Variants in FAF1 observed in about 807,000 individuals in gnomAD.
The protein encoded by FAF1 is Fas associated factor 1, also known as FAS-associated factor 1.
A neutral mutation model predicts 92.5 loss-of-function variants in FAF1; 25 were observed. The ratio of observed to expected loss-of-function variants is 0.27; its 90% CI spans 0.20 to 0.38. FAF1 has a LOEUF of 0.38. Ranked by LOEUF, FAF1 falls within the 10% of genes least tolerant of loss-of-function variation. The pLI is 1.00. For synonymous variants in FAF1, 234 were observed against 273.2 expected, an observed-to-expected ratio of 0.86 and a Z score of 1.42; for missense variants, 636 against 793.3, an observed-to-expected ratio of 0.80 and a Z score of 2.38.
intron 12 of FAF1, among the ~76,000 whole-genome samples, chr1:50,572,809 G>A (rs1476378968): frequency 6.6e-6 from 1 of 152,158 alleles, no homozygotes. Flanking sequence ...AGGAAGTCCT[G>A]GGTTCTAGGC....
intron 5 of FAF1, among the ~76,000 whole-genome samples, chr1:50,740,930 G>T (rs188527409): frequency 6.6e-6 from 1 of 151,846 alleles, no homozygotes; most frequent in Non-Finnish European, 1.5e-5. Context: ...GATCATTATT[G>T]TTCTTTTTCC....
intron 18 of FAF1, among the ~76,000 whole-genome samples, chr1:50,455,073 C>T (rs1228687469): frequency 1.3e-5 from 2 of 152,330 alleles, no homozygotes; most frequent in East Asian, 1.9e-4. Context: ...AGCAGGCAGA[C>T]TCCGTTGGTG....
intron 7 of FAF1, among the ~76,000 whole-genome samples, chr1:50,682,596 T>C (rs757132279): frequency 1.3e-5 from 2 of 152,234 alleles, no homozygotes; most frequent in African/African-American, 2.4e-5. Flanking sequence ...ACAAAAATTA[T>C]GTTGGTAACT....
At chr1:50,502,584 T>C (rs1195627034) in intron 15 of FAF1, among the ~76,000 whole-genome samples, 2 of 152,178 alleles carry the variant, frequency 1.3e-5, no homozygotes, top group African/African-American at 4.8e-5. Flanking sequence ...CAAGTATAAA[T>C]TGTATAACCA....
chr1:50,567,254 A>T, intron 12 of FAF1, 23 bp from the exon 13 acceptor site: 1 of 1,556,576 alleles, frequency 6.4e-7, no homozygotes, highest in Non-Finnish European at 8.7e-7. Context: ...GAAAAATCTG[A>T]TCAATTAAAA....
intron 4 of FAF1, among the ~76,000 whole-genome samples, chr1:50,777,241 A>C (rs1394914526): frequency 6.6e-6 from 1 of 151,530 alleles, no homozygotes; most frequent in East Asian, 1.9e-4. Context: ...ATGAGACCCC[A>C]TTTCTTCAAA....
At chr1:50,827,220 C>A (rs145330378) in intron 2 of FAF1, among the ~76,000 whole-genome samples, 1 of 152,054 alleles carries the variant, frequency 6.6e-6, no homozygotes, top group Non-Finnish European at 1.5e-5. Flanking sequence ...AAAGAGAGAT[C>A]AGATTGTTAC....
intron 2 of FAF1, among the ~76,000 whole-genome samples, chr1:50,853,875 GTAC>G (rs755264393): frequency 3.9e-5 from 6 of 151,972 alleles, no homozygotes; most frequent in Non-Finnish European, 8.8e-5. Context: ...TTAAAAATCT[GTAC>G]TACTATTTAT....
In FAF1 at chr1:50,805,627, T is replaced by A. The variant is rs144992818; in HGVS notation, c.115-3950A>T. On this transcript the variant is annotated intron_variant, in intron 2 of 18. Coordinates refer to ENST00000396153, the MANE Select transcript of FAF1 (RefSeq NM_007051.3). ...ATTGGTAGATTACAAAACAGTGGCA[T>A]GTAATATAAATCATACCCTACATGG... Among the ~76,000 whole-genome samples the A allele has an allele frequency of 6.9e-4, 105 of 152,360 alleles. 2 individuals are homozygous for A. In the East Asian group the frequency reaches 0.016, roughly 23 times the overall value.
At chr1:50,465,416 CATT>C (rs1247334327) in intron 18 of FAF1, among the ~76,000 whole-genome samples, 1 of 152,094 alleles carries the variant, frequency 6.6e-6, no homozygotes, top group Admixed American at 6.6e-5. Context: ...TAGAAGAGAG[CATT>C]ATTATTATTT....
At chr1:50,748,432 G>C (rs1394174310) in intron 4 of FAF1, among the ~76,000 whole-genome samples, 1 of 151,170 alleles carries the variant, frequency 6.6e-6, no homozygotes, top group Non-Finnish European at 1.5e-5. Context: ...GGGAGGCGGA[G>C]GCTGCAGTGA....
intron 2 of FAF1, among the ~76,000 whole-genome samples, chr1:50,839,803 T>C (rs113353244): frequency 3.9e-5 from 6 of 152,174 alleles, no homozygotes; most frequent in African/African-American, 4.8e-5. Flanking sequence ...CCCAAGATAC[T>C]TGAACAAGAA....
At chr1:50,596,269 A>G (rs1558009271) in intron 8 of FAF1, 53 bp from the exon 9 acceptor site, 23 of 1,326,594 alleles carry the variant, frequency 1.7e-5, no homozygotes, top group Non-Finnish European at 2.4e-5. Context: ...ATGTTTCACA[A>G]AAGGATTTGA....
intron 2 of FAF1, among the ~76,000 whole-genome samples, chr1:50,836,170 G>GTTTTGTTTTTTTTTTT (rs1644200498): frequency 1.0e-5 from 1 of 98,526 alleles, no homozygotes; most frequent in South Asian, 3.4e-4. Context: ...TTTTGTTTCT[G>GTTTTGTTTTTTTTTTT]TTTTTTTTTT....
intron 6 of FAF1, among the ~76,000 whole-genome samples, chr1:50,728,749 C>T (rs1658769574): frequency 6.6e-6 from 1 of 150,950 alleles, no homozygotes; most frequent in South Asian, 2.1e-4. Context: ...CGAGATTGCG[C>T]CACTGCACTC....
intron 7 of FAF1, among the ~76,000 whole-genome samples, chr1:50,681,702 G>C (rs2124368164): frequency 6.8e-6 from 1 of 146,354 alleles, no homozygotes; most frequent in Non-Finnish European, 1.5e-5. Flanking sequence ...ATTTTTAGTA[G>C]AGACAGGGGT....
intron 7 of FAF1, among the ~76,000 whole-genome samples, chr1:50,697,612 T>C (rs929576246): frequency 6.6e-6 from 1 of 152,176 alleles, no homozygotes; most frequent in Non-Finnish European, 1.5e-5. Flanking sequence ...GAAAAGTCAG[T>C]GTCAAAATTA....
At chr1:50,627,834 AT>A (rs532972229) in intron 8 of FAF1, among the ~76,000 whole-genome samples, 6,948 of 149,820 alleles carry the variant, frequency 0.046, 517 homozygotes, top group African/African-American at 0.16. Context: ...TCAACAAAAC[AT>A]TTTTTTTTTT....
chr1:50,519,454 G>A (rs145795226), intron 15 of FAF1, among the ~76,000 whole-genome samples: 1,809 of 149,410 alleles, frequency 0.012, 38 homozygotes, highest in African/African-American at 0.041. Flanking sequence ...AGGGAAGGAG[G>A]GAGGGAAGGA....
Sources: allele counts gnomAD v4.1 joint callset (sites outside exome capture counted in the v4.1 genomes callset), GRCh38; gene constraint gnomAD v4.1.1; transcripts MANE v1.5; gene names NCBI Gene and HGNC (gene_info 2026-07-23, HGNC 2026-07-21).